The following FOXJ3 variants were observed in gnomAD, a reference collection of about 807,000 sequenced individuals.
FOXJ3 encodes forkhead box protein J3.
A neutral mutation model predicts 76.1 loss-of-function variants in FOXJ3; 22 were observed. The observed-to-expected ratio is 0.29, with a 90% CI of 0.21 to 0.41. The LOEUF is 0.41. FOXJ3 is among the 10% of genes least tolerant of loss of function. The pLI, the probability that FOXJ3 is intolerant of heterozygous loss-of-function variation, is 1.00. For missense variants in FOXJ3, 613 were observed against 762.1 expected (o/e 0.80, Z 2.30); for synonymous variants, 269 against 261.2 (o/e 1.03, Z -0.29).
chr1:42,181,872 C>T, intron 12 of FOXJ3, 45 bp downstream of exon 12: 2 of 1,264,470 alleles, frequency 1.6e-6, no homozygotes, highest in African/African-American at 1.5e-5. Flanking sequence ...TGCTCACACA[C>T]ACACACACAC....
intron 8 of FOXJ3, 26 bp downstream of exon 8, chr1:42,194,864 A>T (rs1439680547): frequency 1.3e-6 from 2 of 1,495,232 alleles, no homozygotes; most frequent in African/African-American, 2.8e-5. Context: ...AAACTTTGTT[A>T]TAAAAAAGAT....
intron 2 of FOXJ3, among the ~76,000 whole-genome samples, chr1:42,280,689 GC>G (rs1652644853): frequency 6.6e-6 from 1 of 152,018 alleles, no homozygotes; most frequent in Non-Finnish European, 1.5e-5. Context: ...AAAAACCAGA[GC>G]CCAGATCTCC....
At chr1:42,279,012 T>C (rs997835905) in intron 2 of FOXJ3, among the ~76,000 whole-genome samples, 18 of 152,178 alleles carry the variant, frequency 1.2e-4, no homozygotes, top group Non-Finnish European at 2.5e-4. Flanking sequence ...AAAACCCAGC[T>C]GCAGCCCAAC....
At chr1:42,221,446 C>A (rs940736793) in intron 5 of FOXJ3, among the ~76,000 whole-genome samples, 1 of 152,140 alleles carries the variant, frequency 6.6e-6, no homozygotes, top group Non-Finnish European at 1.5e-5. Flanking sequence ...GGAGCACTCA[C>A]TGTTTTGAGG....
chr1:42,218,446 C>T (rs1647114933), intron 5 of FOXJ3, among the ~76,000 whole-genome samples: 1 of 152,100 alleles, frequency 6.6e-6, no homozygotes, highest in Admixed American at 6.5e-5. Flanking sequence ...CATCTCTGTT[C>T]CAAAAAAAGC....
intron 4 of FOXJ3, among the ~76,000 whole-genome samples, chr1:42,234,181 T>C (rs1223632384): frequency 6.6e-6 from 1 of 152,218 alleles, no homozygotes; most frequent in African/African-American, 2.4e-5. Context: ...TTTCTTCCAG[T>C]TAATCAAATT....
At chr1:42,200,502 G>A (rs966502172) in intron 6 of FOXJ3, among the ~76,000 whole-genome samples, 9 of 151,920 alleles carry the variant, frequency 5.9e-5, no homozygotes, top group Non-Finnish European at 8.8e-5. Context: ...TTTTTGAGAC[G>A]GAGTCTCGCT....
intron 5 of FOXJ3, among the ~76,000 whole-genome samples, chr1:42,218,899 T>G (rs1168143059): frequency 6.6e-6 from 1 of 152,146 alleles, no homozygotes; most frequent in Non-Finnish European, 1.5e-5. Flanking sequence ...GCCAAATATA[T>G]CTCTACCTCA....
intron 12 of FOXJ3, among the ~76,000 whole-genome samples, chr1:42,181,053 A>G (rs1048023886): frequency 2.0e-5 from 3 of 152,238 alleles, no homozygotes; most frequent in African/African-American, 7.2e-5. Context: ...GCTGTCTGCC[A>G]CACAGTTCTT....
At chr1:42,314,749 A>T (rs916254549) in intron 1 of FOXJ3, among the ~76,000 whole-genome samples, 4 of 152,238 alleles carry the variant, frequency 2.6e-5, no homozygotes, top group Non-Finnish European at 4.4e-5. Flanking sequence ...ATCAAAAACA[A>T]AGGCAACTCC....
chr1:42,280,531 T>C, intron 2 of FOXJ3: 1 of 580,734 alleles, frequency 1.7e-6, no homozygotes, highest in Non-Finnish European at 2.2e-6. Flanking sequence ...TATAGGGACT[T>C]GTAGAATAAG....
chr1:42,270,035 C>T (rs183550615), intron 3 of FOXJ3, among the ~76,000 whole-genome samples: 4 of 152,266 alleles, frequency 2.6e-5, no homozygotes, highest in Non-Finnish European at 4.4e-5. Context: ...TATTCTTAAG[C>T]CCCCAAAGAC....
At chr1:42,331,741 C>T (rs1329711398) in intron 1 of FOXJ3, among the ~76,000 whole-genome samples, 1 of 151,530 alleles carries the variant, frequency 6.6e-6, no homozygotes, top group African/African-American at 2.4e-5. Flanking sequence ...GGTTGCACAA[C>T]TCTGTGAATA....
intron 2 of FOXJ3, among the ~76,000 whole-genome samples, chr1:42,298,328 T>C (rs948401223): frequency 1.3e-5 from 2 of 152,240 alleles, no homozygotes; most frequent in Admixed American, 6.5e-5. Context: ...TTTTCCTTTA[T>C]TACTGATTGA....
intron 11 of FOXJ3, among the ~76,000 whole-genome samples, chr1:42,187,037 G>A (rs1244765118): frequency 6.6e-6 from 1 of 152,084 alleles, no homozygotes; most frequent in Admixed American, 6.5e-5. Context: ...TAGTAGAGAC[G>A]GGGTTTCGCC....
intron 4 of FOXJ3, among the ~76,000 whole-genome samples, chr1:42,243,661 A>C (rs1649320972): frequency 6.6e-6 from 1 of 152,208 alleles, no homozygotes; most frequent in Non-Finnish European, 1.5e-5. Context: ...AAAACAACAA[A>C]AAGAGACAAA....
At chr1:42,324,901 C>A (rs1655738682) in intron 1 of FOXJ3, among the ~76,000 whole-genome samples, 1 of 152,088 alleles carries the variant, frequency 6.6e-6, no homozygotes, top group African/African-American at 2.4e-5. Context: ...AAACACTGTA[C>A]ACACAGACTA....
Position 42,179,258 on chromosome 1 carries a change from G to C in FOXJ3, c.*452C>G, listed in dbSNP as rs1432021131. 1 of 152,662 alleles carries C rather than the reference G, an allele frequency of 6.6e-6. No individual in the cohort carries two copies. Among genetic ancestry groups the C allele is most frequent in the Non-Finnish European group, 1.5e-5 (1 of 68,082 alleles). 9.5% of individuals were successfully genotyped at this position (152,662 alleles called of 1,614,324 possible). On this transcript the variant is annotated 3_prime_UTR_variant, in exon 13 of 13. Transcript: ENST00000361346. ...AGTTAAAAGCATCCTGCAGAAAATA[G>C]CCTAACAAGGAATAAAAACTGACAA...
At chr1:42,321,190 T>G (rs1375236237) in intron 1 of FOXJ3, among the ~76,000 whole-genome samples, 1 of 152,182 alleles carries the variant, frequency 6.6e-6, no homozygotes, top group African/African-American at 2.4e-5. Context: ...GGGAAATCTA[T>G]TAATTAAAAG....
Sources: allele counts gnomAD v4.1 joint callset (sites outside exome capture counted in the v4.1 genomes callset), GRCh38; gene constraint gnomAD v4.1.1; transcripts MANE v1.5; gene names NCBI Gene and HGNC (gene_info 2026-07-23, HGNC 2026-07-21).